Variants in NINJ2 observed in about 807,000 individuals in gnomAD.
NINJ2 encodes ninjurin-2.
In NINJ2, 12 loss-of-function variants were observed where a neutral mutation model predicts 11.7. That is an observed-to-expected ratio of 1.02 (90% CI 0.66 to 1.66). The LOEUF (loss-of-function observed/expected upper bound fraction) is 1.66. NINJ2 is among the 40% of genes most tolerant of loss of function. The pLI, the probability that NINJ2 is intolerant of heterozygous loss-of-function variation, is 0.00. For synonymous variants in NINJ2, 93 were observed against 76.8 expected (o/e 1.21, Z -1.10); for missense variants, 187 against 181.8 (o/e 1.03, Z -0.16).
intron 1 of NINJ2, among the ~76,000 whole-genome samples, chr12:584,701 G>C (rs888343437): frequency 3.9e-5 from 6 of 152,094 alleles, no homozygotes; most frequent in Non-Finnish European, 5.9e-5. Context: ...AGCTGCTCAG[G>C]AGGCTAAGGC....
At chr12:625,596 A>C (rs1295345839) in intron 1 of NINJ2, among the ~76,000 whole-genome samples, 1 of 151,808 alleles carries the variant, frequency 6.6e-6, no homozygotes, top group East Asian at 1.9e-4. Flanking sequence ...CTTCTGGTCA[A>C]CTAAGCCAAA....
At chr12:570,940 A>G (rs796702417) in intron 1 of NINJ2, among the ~76,000 whole-genome samples, 3 of 152,366 alleles carry the variant, frequency 2.0e-5, no homozygotes, top group African/African-American at 7.2e-5. Context: ...CATGGACAGC[A>G]GAACGACACT....
chr12:643,589 C>G, intron 1 of NINJ2: 1 of 988,118 alleles, frequency 1.0e-6, no homozygotes, highest in African/African-American at 1.7e-5. Context: ...GAAACCGAGG[C>G]TCGGAGAGAT....
At chr12:572,964 C>G (rs1316072244) in intron 1 of NINJ2, among the ~76,000 whole-genome samples, 3 of 146,572 alleles carry the variant, frequency 2.0e-5, no homozygotes, top group Non-Finnish European at 4.4e-5. Context: ...TCAAGCAATT[C>G]TCCTGCCTCA....
intron 1 of NINJ2, among the ~76,000 whole-genome samples, chr12:646,887 A>T (rs1937692118): frequency 6.6e-6 from 1 of 152,010 alleles, no homozygotes; most frequent in African/African-American, 2.4e-5. Context: ...CAGGGAGTTC[A>T]CCTCTGGAGA....
At chr12:571,406 C>T (rs1947374157) in intron 1 of NINJ2, among the ~76,000 whole-genome samples, 1 of 150,676 alleles carries the variant, frequency 6.6e-6, no homozygotes, top group Non-Finnish European at 1.5e-5. Context: ...CCTGGGCCTG[C>T]CTGGCAGACG....
intron 1 of NINJ2, among the ~76,000 whole-genome samples, chr12:567,075 A>T (rs936094839): frequency 1.3e-5 from 2 of 152,208 alleles, no homozygotes; most frequent in African/African-American, 2.4e-5. Flanking sequence ...GAGTCATTTA[A>T]AAGTTATAGT....
rs1271464583 is a variant in NINJ2 at position 625,125 on chromosome 12, TATATATAG to T, written c.33+38195_33+38202del. 2.0e-5 allele frequency among the ~76,000 whole-genome samples: 3 copies of T among 147,346 alleles called. No homozygotes were observed. In the East Asian group the frequency reaches 5.9e-4, roughly 29 times the overall value. ...CTCAAAAAAAAAAAAAAAAAAGATA[TATATATAG>T]ATATATAGATATATTTGCCCTAGCT... On this transcript the variant is annotated intron_variant, in intron 1 of 3. Coordinates refer to ENST00000305108, the MANE Select transcript of NINJ2 (RefSeq NM_016533.6).
chr12:621,811 G>A (rs1354450420), intron 1 of NINJ2, among the ~76,000 whole-genome samples: 5 of 93,452 alleles, frequency 5.4e-5, no homozygotes, highest in African/African-American at 1.2e-4. Flanking sequence ...GTGAGACTCC[G>A]TCTCAGAAAA....
intron 2 of NINJ2, chr12:565,671 CGAGT>C: frequency 1.6e-6 from 1 of 612,456 alleles, no homozygotes; most frequent in Non-Finnish European, 2.9e-6. Context: ...AAGCGGTGAG[CGAGT>C]GAGTGAGTTA....
chr12:639,096 G>T (rs74650217), intron 1 of NINJ2, among the ~76,000 whole-genome samples: 7,707 of 151,736 alleles, frequency 0.051, 602 homozygotes, highest in African/African-American at 0.17. Flanking sequence ...AAGAAACAAG[G>T]GCCTGGTCCA....
At position 663,319 on chromosome 12, in the gene NINJ2, A is replaced by C; in HGVS notation, c.33+9T>G. 6.2e-7 allele frequency: 1 copy of C among 1,613,740 alleles called. No individual in the cohort carries two copies. The highest frequency in any genetic ancestry group is 8.5e-7 in the Non-Finnish European group (1 of 1,179,784). ...GTCTCCCCTCTGCTCTCTTCCAGAG[A>C]GAACTTACTTGAAGGTCGATGTTTT... is the stretch of plus-strand genomic sequence containing the variant. On this transcript the variant is annotated intron_variant, in intron 1 of 3. Coordinates refer to ENST00000305108, the MANE Select transcript of NINJ2 (RefSeq NM_016533.6).
At chr12:615,215 G>A (rs1948077476) in intron 1 of NINJ2, among the ~76,000 whole-genome samples, 1 of 152,236 alleles carries the variant, frequency 6.6e-6, no homozygotes, top group African/African-American at 2.4e-5. Context: ...GGTGCTAAAT[G>A]AGAACACCTT....
intron 1 of NINJ2, among the ~76,000 whole-genome samples, chr12:650,680 C>T (rs1454472732): frequency 1.3e-5 from 2 of 152,148 alleles, no homozygotes; most frequent in Non-Finnish European, 1.5e-5. Context: ...GCCTGGGCAA[C>T]ACAGTGAGAC....
At chr12:610,309 G>C in intron 1 of NINJ2, 1 of 1,517,494 alleles carries the variant, frequency 6.6e-7, no homozygotes, top group East Asian at 2.4e-5. Context: ...ACCCAGTGCT[G>C]AGCTGGTGAA....
chr12:657,265 C>T (rs1307933831), intron 1 of NINJ2, among the ~76,000 whole-genome samples: 1 of 152,048 alleles, frequency 6.6e-6, no homozygotes, highest in Non-Finnish European at 1.5e-5. Flanking sequence ...AGTTGTTATC[C>T]AAAACAGACA....
In NINJ2 at chr12:581,942, C is replaced by A. The variant is rs1345264456; in HGVS notation, c.34-15764G>T. Among the ~76,000 whole-genome samples the A allele has an allele frequency of 5.3e-5, 8 of 152,228 alleles. No individual in the cohort carries two copies. The highest frequency in any genetic ancestry group is 7.3e-5 in the Non-Finnish European group (5 of 68,034). ...CGCTGAACACACAAAAAGCCCAGCC[C>A]TGGAGGGATTCCAATCCACAGCCTC... On this transcript the variant is annotated intron_variant, in intron 1 of 3. Transcript: ENST00000305108. The surrounding 1 kb of genome is among the most constrained non-coding windows in gnomAD (Gnocchi z 4.9).
chr12:575,262 T>C (rs981841654), intron 1 of NINJ2, among the ~76,000 whole-genome samples: 6 of 152,104 alleles, frequency 3.9e-5, no homozygotes, highest in African/African-American at 1.4e-4. Flanking sequence ...AGCGTAGTCC[T>C]CTCTCCTGGG....
At chr12:588,213 GGAGGGGACGGAAGGGACA>G (rs1947670312) in intron 1 of NINJ2, among the ~76,000 whole-genome samples, 4 of 142,256 alleles carry the variant, frequency 2.8e-5, no homozygotes, top group Non-Finnish European at 6.3e-5. Context: ...CGGAAGGGAC[GGAGGGGACGGAAGGGACA>G]GAAGGGAGGG....
Sources: gnomAD v4.1 joint callset for allele counts (sites outside exome capture counted in the v4.1 genomes callset) on GRCh38, gnomAD v4.1.1 for gene constraint, Gnocchi (gnomAD v3.1) non-coding constraint, MANE v1.5 for transcripts, NCBI Gene and HGNC (gene_info 2026-07-23, HGNC 2026-07-21) for gene names.